Variants in ACADL observed in about 807,000 individuals in gnomAD.
ACADL encodes the protein long-chain specific acyl-CoA dehydrogenase, mitochondrial.
ACADL carries 60 observed loss-of-function variants against 56.9 expected under a neutral mutation model. That is an observed-to-expected ratio of 1.05 (90% CI 0.86 to 1.31). The LOEUF (loss-of-function observed/expected upper bound fraction) is 1.31, where lower values mean the gene tolerates loss of function less well. ACADL is among the 50% of genes most tolerant of loss of function. The pLI, the probability that ACADL is intolerant of heterozygous loss-of-function variation, is 0.00. For synonymous variants in ACADL, 158 were observed against 179.7 expected (o/e 0.88, Z 0.97); for missense variants, 484 against 525.5 (o/e 0.92, Z 0.77).
intron 5 of ACADL, 25 bp downstream of exon 5, chr2:210,210,171 G>T (rs758452822): frequency 6.2e-5 from 96 of 1,544,928 alleles, no homozygotes; most frequent in Admixed American, 1.7e-5. Context: ...GAAAAGAAGG[G>T]CTATAGAAGT....
At chr2:210,193,190 A>C (rs921298275) in intron 9 of ACADL, among the ~76,000 whole-genome samples, 1 of 152,210 alleles carries the variant, frequency 6.6e-6, no homozygotes, top group Non-Finnish European at 1.5e-5. Flanking sequence ...CTAGAAAAAC[A>C]TGCAGTAAAG....
intron 10 of ACADL, 66 bp downstream of exon 10, chr2:210,192,738 C>T (rs2125708523): frequency 1.6e-6 from 2 of 1,236,086 alleles, no homozygotes; most frequent in Non-Finnish European, 1.2e-6. Flanking sequence ...ATTTGATGTA[C>T]AAAGTAAAGA....
At chr2:210,203,280 CA>C in intron 8 of ACADL, 50 bp downstream of exon 8, 1 of 1,279,062 alleles carries the variant, frequency 7.8e-7, no homozygotes, top group Non-Finnish European at 1.1e-6. Context: ...CAGGCCATTT[CA>C]GATTAGTAAA....
intron 7 of ACADL, among the ~76,000 whole-genome samples, chr2:210,204,016 G>A (rs1250095839): frequency 6.6e-6 from 1 of 152,152 alleles, no homozygotes; most frequent in African/African-American, 2.4e-5. Context: ...ACCTATTAAT[G>A]TAAAAGTAGC....
At chr2:210,210,493 G>C (rs766668106) in intron 4 of ACADL, among the ~76,000 whole-genome samples, 4 of 152,072 alleles carry the variant, frequency 2.6e-5, no homozygotes, top group Non-Finnish European at 5.9e-5. Flanking sequence ...AATTAGCCAG[G>C]TTTTATACAG....
At chr2:210,210,035 A>G in intron 5 of ACADL, 161 bp downstream of exon 5, 1 of 626,412 alleles carries the variant, frequency 1.6e-6, no homozygotes. Flanking sequence ...ACAGATCTTA[A>G]GTAATATATG....
chr2:210,224,665 C>T, intron 1 of ACADL: 1 of 985,988 alleles, frequency 1.0e-6, no homozygotes, highest in Non-Finnish European at 1.2e-6. Flanking sequence ...ATTTCTAGCC[C>T]AGTTTGTCCT....
At chr2:210,210,132 T>G in intron 5 of ACADL, 64 bp downstream of exon 5, 1 of 1,211,050 alleles carries the variant, frequency 8.3e-7, no homozygotes, top group Non-Finnish European at 1.2e-6. Flanking sequence ...GAGTTGTCTT[T>G]GAGACATTGT....
At chr2:210,205,518 A>G (rs1027562409) in intron 6 of ACADL, 114 bp downstream of exon 6, 1 of 1,010,250 alleles carries the variant, frequency 9.9e-7, no homozygotes, top group Non-Finnish European at 1.5e-6. Flanking sequence ...AGCATATTTT[A>G]GGAATTCAGC....
intron 8 of ACADL, 78 bp downstream of exon 8, chr2:210,203,253 C>A (rs1357248227): frequency 3.1e-6 from 3 of 970,154 alleles, no homozygotes; most frequent in African/African-American, 3.2e-5. Context: ...AAAATAACTC[C>A]AAACTTCTAT....
intron 8 of ACADL, among the ~76,000 whole-genome samples, chr2:210,195,665 T>A (rs1688699434): frequency 6.6e-6 from 1 of 152,224 alleles, no homozygotes; most frequent in Non-Finnish European, 1.5e-5. Flanking sequence ...CATCTTGTGG[T>A]ACAGTTATTT....
In ACADL at chr2:210,188,942, C is replaced by A; in HGVS notation, c.*19G>T. The A allele has an allele frequency of 3.8e-6, 6 of 1,576,912 alleles. No individual in the cohort carries two copies. The highest frequency in any genetic ancestry group is 4.4e-6 in the Non-Finnish European group (5 of 1,146,368). ...AAACGAGATTAGCTGTAATAGGACT[C>A]CAGGATGTGGGCAGATGTCTACTTG... is the stretch of plus-strand genomic sequence containing the variant. On this transcript the variant is annotated 3_prime_UTR_variant, in exon 11 of 11. Transcript: ENST00000233710.
rs114601536 is a variant in ACADL, at chr2:210,219,090, A to G, written c.234-988T>C. ...ATTTGAAGATACTGACACTACAAAA[A>G]TTTTTAAGACTTGGATTATCATGTG... On this transcript the variant is annotated intron_variant, in intron 2 of 10. Transcript: ENST00000233710. Among the ~76,000 whole-genome samples the G allele has an allele frequency of 2.6e-3, 395 of 152,330 alleles. 1 individual carries two copies. The highest frequency in any genetic ancestry group is 8.8e-3 in the African/African-American group (364 of 41,572).
At chr2:210,190,712 C>CA (rs1323334182) in intron 10 of ACADL, among the ~76,000 whole-genome samples, 1 of 151,642 alleles carries the variant, frequency 6.6e-6, no homozygotes, top group Non-Finnish European at 1.5e-5. Context: ...AAGACAAAAA[C>CA]AAAAAAACAA....
intron 8 of ACADL, 86 bp from the exon 9 acceptor site, chr2:210,195,424 T>C: frequency 7.1e-7 from 1 of 1,411,254 alleles, no homozygotes; most frequent in Admixed American, 1.7e-5. Context: ...AATTATACAA[T>C]AAAAGATCTT....
chr2:210,204,737 C>T, intron 6 of ACADL, 55 bp from the exon 7 acceptor site: 2 of 1,332,790 alleles, frequency 1.5e-6, no homozygotes, highest in Middle Eastern at 1.8e-4. Context: ...CTTCCAATAA[C>T]CCAGTGAATA....
intron 7 of ACADL, 81 bp from the exon 8 acceptor site, chr2:210,203,525 A>G (rs7585527): frequency 3.5e-6 from 3 of 847,902 alleles, no homozygotes; most frequent in Non-Finnish European, 5.7e-6. Flanking sequence ...GATAAATCCT[A>G]TAAATTATCT....
At chr2:210,203,842 T>C (rs1463362066) in intron 7 of ACADL, among the ~76,000 whole-genome samples, 1 of 152,146 alleles carries the variant, frequency 6.6e-6, no homozygotes, top group African/African-American at 2.4e-5. Flanking sequence ...TGCCCATGAA[T>C]GACTGTCTTC....
intron 4 of ACADL, among the ~76,000 whole-genome samples, chr2:210,211,374 A>G (rs1245416114): frequency 6.6e-6 from 1 of 152,082 alleles, no homozygotes; most frequent in Non-Finnish European, 1.5e-5. Context: ...AGTCCACATT[A>G]CTTGTGTAAT....
Sources: gnomAD v4.1 joint callset for allele counts (sites outside exome capture counted in the v4.1 genomes callset) on GRCh38, gnomAD v4.1.1 for gene constraint, MANE v1.5 for transcripts, NCBI Gene and HGNC (gene_info 2026-07-23, HGNC 2026-07-21) for gene names.